The following TDO2 variants were observed in gnomAD, a reference collection of about 807,000 sequenced individuals.
TDO2 encodes the protein tryptamin 2,3-dioxygenase.
TDO2 carries 63 observed loss-of-function variants against 61.2 expected under a neutral mutation model. The observed-to-expected ratio is 1.03, with a 90% CI of 0.84 to 1.27. The LOEUF (loss-of-function observed/expected upper bound fraction) is 1.27, where lower values mean the gene tolerates loss of function less well. Among genes scored for constraint, TDO2 ranks in the 50% most tolerant of loss-of-function variants. The probability of loss-of-function intolerance (pLI) is 0.00; values close to 1 mark genes in which losing one functional copy is unlikely to be tolerated. For missense variants in TDO2, 494 were observed against 469.5 expected (o/e 1.05, Z -0.48); for synonymous variants, 183 against 164.0 (o/e 1.12, Z -0.89).
At chr4:155,916,219 G>C (rs1169245138) in intron 9 of TDO2, among the ~76,000 whole-genome samples, 2 of 136,536 alleles carry the variant, frequency 1.5e-5, no homozygotes, top group East Asian at 2.2e-4. Context: ...CCAGGCGGGA[G>C]TGCAGTGGTG....
chr4:155,904,439 A>C (rs1000761492), intron 2 of TDO2, among the ~76,000 whole-genome samples: 1 of 152,222 alleles, frequency 6.6e-6, no homozygotes, highest in African/African-American at 2.4e-5. Flanking sequence ...GACATGGTTA[A>C]TAAATGTCAG....
intron 7 of TDO2, 63 bp downstream of exon 7, chr4:155,911,667 T>C: frequency 8.4e-7 from 1 of 1,190,216 alleles, no homozygotes; most frequent in Non-Finnish European, 1.1e-6. Context: ...TTATTTTAAT[T>C]ATTTTTTGCT....
At chr4:155,908,519 G>A (rs998375622) in intron 4 of TDO2, among the ~76,000 whole-genome samples, 5 of 152,180 alleles carry the variant, frequency 3.3e-5, no homozygotes, top group Non-Finnish European at 7.3e-5. Context: ...CCTCAGTAAA[G>A]AGTAGATTGA....
chr4:155,915,259 C>T (rs1214952475), intron 8 of TDO2, among the ~76,000 whole-genome samples: 2 of 152,110 alleles, frequency 1.3e-5, no homozygotes, highest in African/African-American at 4.8e-5. Flanking sequence ...TTTTATAACA[C>T]AAGTACGAAA....
chr4:155,907,370 A>G (rs1047018443), intron 3 of TDO2: 1 of 181,698 alleles, frequency 5.5e-6, no homozygotes, highest in African/African-American at 2.3e-5. Flanking sequence ...GAAGTTGATT[A>G]TCACTTCTGC....
At position 155,910,247 on chromosome 4, in the gene TDO2, T is replaced by C. The variant is rs778768261; in HGVS notation, c.618+36T>C. The C allele has an allele frequency of 3.4e-6, 5 of 1,464,254 alleles. No individual in the cohort carries two copies. The African/African-American group carries it at 7.4e-5, about 22-fold the overall frequency. The allele number at this position is 1,464,254 out of a possible 1,614,324, so 90.7% of individuals were successfully genotyped here. ...ATACAATTTATAAAGTTTAACTCAA[T>C]ACATCTTCTTAATTTAGCTTTTGCT... On this transcript the variant is annotated intron_variant, in intron 6 of 11. Coordinates refer to ENST00000536354, the MANE Select transcript of TDO2 (RefSeq NM_005651.4).
At chr4:155,917,346 A>C in intron 9 of TDO2, 49 bp from the exon 10 acceptor site, 1 of 1,495,126 alleles carries the variant, frequency 6.7e-7, no homozygotes, top group Admixed American at 1.9e-5. Flanking sequence ...CTCCTAACAC[A>C]CTCGATTTAC....
Position 155,910,078 on chromosome 4 carries a change from A to G in TDO2, c.485A>G (p.Glu162Gly). Residue 162 changes from glutamate to glycine, a missense_variant, in exon 6 of 12, where the codon GAA (glutamate) becomes GGA (glycine). Physicochemically the swap from Glu to Gly is moderately conservative, Grantham distance 98 (BLOSUM62 -2). Transcript: ENST00000536354. ...GFQSLQFRLL[E>G]NKIGVLQNMR... Reference sequence around the variant, plus strand: ...CAGAGTTTGCAATTCCGACTATTAGAAAACAAGATAGGTGTTCTTCAGAAC... The same window carrying G: ...CAGAGTTTGCAATTCCGACTATTAGGAAACAAGATAGGTGTTCTTCAGAAC... 6.3e-7 allele frequency: 1 copy of G among 1,594,662 alleles called. No individual in the cohort carries two copies. Among genetic ancestry groups the G allele is most frequent in the Non-Finnish European group, 8.5e-7 (1 of 1,174,016 alleles).
intron 4 of TDO2, 141 bp downstream of exon 4, chr4:155,907,933 G>A: frequency 1.7e-6 from 1 of 602,652 alleles, no homozygotes; most frequent in Non-Finnish European, 2.9e-6. Context: ...ATGAATGAAT[G>A]AGGAGTTCAG....
At position 155,911,524 on chromosome 4, in the gene TDO2, G is replaced by C. The variant is rs563050417; in HGVS notation, c.646G>C (p.Glu216Gln). Reference protein sequence around the residue: ...EAWLERTPGLEPHGFNFWGKL... With the variant: ...EAWLERTPGLQPHGFNFWGKL... ...ATGGCTGGAAAGAACTCCAGGTTTA[G>C]AGCCACATGGATTTAACTTCTGGGG... Residue 216 changes from glutamate (E) to glutamine (Q), a missense_variant, in exon 7 of 12, where the codon GAG becomes CAG. Coordinates refer to ENST00000536354, the MANE Select transcript of TDO2 (RefSeq NM_005651.4). 2 of 1,594,768 alleles carry C rather than the reference G, an allele frequency of 1.3e-6. No homozygotes were observed. Among genetic ancestry groups the C allele is most frequent in the Admixed American group, 1.7e-5 (1 of 58,504 alleles).
intron 11 of TDO2, 39 bp downstream of exon 11, chr4:155,918,278 A>G (rs1247826159): frequency 6.3e-7 from 1 of 1,598,418 alleles, no homozygotes; most frequent in South Asian, 1.1e-5. Flanking sequence ...GGTGGCAGTC[A>G]CCAACAATTT....
In TDO2 at chr4:155,919,886, A is replaced by G. The variant is rs1743012108; in HGVS notation, c.1117A>G (p.Ile373Val). The G allele has an allele frequency of 6.2e-7, 1 of 1,613,598 alleles. No homozygotes were observed. Among genetic ancestry groups the G allele is most frequent in the African/African-American group, 1.3e-5 (1 of 74,916 alleles). Residue 373 changes from isoleucine to valine, a missense_variant, in exon 12 of 12, where the codon ATT becomes GTT. Physicochemically the swap from Ile to Val is conservative, Grantham distance 29. Transcript: ENST00000536354. ...TTTATTTAATCTTTCAACATACCTG[A>G]TTCCCCGACACTGGATACCGAAGAT... ...VDLFNLSTYLIPRHWIPKMNP... is the reference protein window; with the variant it reads ...VDLFNLSTYLVPRHWIPKMNP...
rs758815488 is a variant in TDO2, at chr4:155,915,897, T to A, written c.881T>A (p.Met294Lys). The change falls in exon 9 of 12, where the codon ATG becomes AAG. Residue 294 changes from methionine to lysine, a missense_variant. Physicochemically the swap from Met to Lys is moderately conservative, Grantham distance 95 (BLOSUM62 -1). Transcript: ENST00000536354. ...LSYRALQGAL[M>K]IYFYREEPRF... ...TACAGAGCACTTCAGGGAGCATTGA[T>A]GATATATTTTTACAGGTAAAGCAAA... 1.2e-6 allele frequency: 2 copies of A among 1,610,292 alleles called. No homozygotes were observed. Among genetic ancestry groups the A allele is most frequent in the South Asian group, 2.2e-5 (2 of 90,172 alleles).
In TDO2 at chr4:155,905,212, G is replaced by A. The variant is rs558732231; in HGVS notation, c.232+55G>A. ...TCCACAGGCATTTCTCATTGATAAC[G>A]AGGAAAGCTACAATTTTTAAACTAC... On this transcript the variant is annotated intron_variant, in intron 3 of 11. Coordinates refer to ENST00000536354, the MANE Select transcript of TDO2 (RefSeq NM_005651.4). 28 of 1,268,402 alleles carry A rather than the reference G, an allele frequency of 2.2e-5. 1 individual carries two copies. The highest frequency in any genetic ancestry group is 1.5e-4 in the South Asian group (11 of 71,172). The allele number at this position is 1,268,402 out of a possible 1,614,324, so 78.6% of individuals were successfully genotyped here.
chr4:155,914,299 A>G, intron 7 of TDO2, 24 bp from the exon 8 acceptor site: 22 of 1,558,486 alleles, frequency 1.4e-5, no homozygotes, highest in Non-Finnish European at 1.9e-5. Context: ...TCTCAGGACT[A>G]TTAATGCCAT....
intron 4 of TDO2, among the ~76,000 whole-genome samples, chr4:155,908,245 G>A (rs1315948485): frequency 6.6e-6 from 1 of 152,138 alleles, no homozygotes; most frequent in Non-Finnish European, 1.5e-5. Context: ...GGGGAATGGG[G>A]CAATGGGGAA....
At chr4:155,909,424 C>T (rs1742777586) in intron 5 of TDO2, among the ~76,000 whole-genome samples, 1 of 152,258 alleles carries the variant, frequency 6.6e-6, no homozygotes, top group South Asian at 2.1e-4. Flanking sequence ...TTTACCTGTA[C>T]ATTTCAAGGC....
intron 7 of TDO2, among the ~76,000 whole-genome samples, chr4:155,911,821 T>C (rs1026193427): frequency 1.3e-5 from 2 of 152,210 alleles, no homozygotes; most frequent in Non-Finnish European, 2.9e-5. Context: ...GAGAATTTTG[T>C]CTATGATAAC....
At chr4:155,911,311 T>G (rs1013324324) in intron 6 of TDO2, among the ~76,000 whole-genome samples, 186 bp from the exon 7 acceptor site, 1 of 151,686 alleles carries the variant, frequency 6.6e-6, no homozygotes. Context: ...ATTAAGAAAA[T>G]TGAATATATT....
Sources: allele counts gnomAD v4.1 joint callset (sites outside exome capture counted in the v4.1 genomes callset), GRCh38; gene constraint gnomAD v4.1.1; transcripts MANE v1.5; gene names NCBI Gene and HGNC (gene_info 2026-07-23, HGNC 2026-07-21).